Variants in GSN observed in about 807,000 individuals in gnomAD.
The protein encoded by GSN is gelsolin, also known as actin-depolymerizing factor.
GSN carries 56 observed loss-of-function variants against 85.7 expected under a neutral mutation model. The ratio of observed to expected loss-of-function variants is 0.65; its 90% confidence interval spans 0.53 to 0.82. GSN has a LOEUF of 0.82. GSN is among the 40% of genes least tolerant of loss of function. The pLI is 0.00. For synonymous variants in GSN, 373 were observed against 399.1 expected (o/e 0.93, Z 0.78); for missense variants, 857 against 979.8 (o/e 0.87, Z 1.67).
chr9:121,277,298 C>CA (rs1359103809), intron 1 of GSN, among the ~76,000 whole-genome samples: 1 of 152,116 alleles, frequency 6.6e-6, no homozygotes, highest in Non-Finnish European at 1.5e-5. Context: ...TTCAGCTGGA[C>CA]AAAAAAGATG....
Sources: allele counts gnomAD v4.1 joint callset (sites outside exome capture counted in the v4.1 genomes callset), GRCh38; gene constraint gnomAD v4.1.1; transcripts MANE v1.5; gene names NCBI Gene and HGNC (gene_info 2026-07-23, HGNC 2026-07-21).